The following QTRT2 variants were observed in gnomAD, a reference collection of about 807,000 sequenced individuals.
QTRT2 encodes the protein queuine tRNA-ribosyltransferase domain containing 1.
In QTRT2, 32 loss-of-function variants were observed where a neutral mutation model predicts 44.8. That is an observed-to-expected ratio of 0.71 (90% CI 0.54 to 0.96). The LOEUF is 0.96. QTRT2 is among the 40% of genes least tolerant of loss of function. QTRT2 has a pLI of 0.00. For missense variants in QTRT2, 461 were observed against 503.1 expected (o/e 0.92, Z 0.80); for synonymous variants, 182 against 187.4 (o/e 0.97, Z 0.24).
At chr3:114,075,769 G>A (rs1340729532) in intron 6 of QTRT2, among the ~76,000 whole-genome samples, 1 of 152,008 alleles carries the variant, frequency 6.6e-6, no homozygotes. Context: ...TCGGCCTCCT[G>A]CTGGGATTAC....
chr3:114,080,198 C>A, intron 8 of QTRT2, 141 bp downstream of exon 8: 2 of 642,628 alleles, frequency 3.1e-6, no homozygotes, highest in Non-Finnish European at 5.2e-6. Flanking sequence ...TCTGTGTGCT[C>A]TGGCATGTTG....
At chr3:114,068,287 C>A in intron 5 of QTRT2, 3 of 394,112 alleles carry the variant, frequency 7.6e-6, no homozygotes, top group South Asian at 4.3e-5. Context: ...TTCATTGTTG[C>A]AAAAAAATTT....
At chr3:114,061,118 G>A (rs1393708783) in intron 2 of QTRT2, among the ~76,000 whole-genome samples, 1 of 152,104 alleles carries the variant, frequency 6.6e-6, no homozygotes, top group African/African-American at 2.4e-5. Flanking sequence ...CTGTGAATGG[G>A]GGTACTGTGT....
intron 6 of QTRT2, among the ~76,000 whole-genome samples, chr3:114,073,538 C>T (rs1179911303): frequency 2.0e-5 from 3 of 152,226 alleles, no homozygotes; most frequent in Admixed American, 1.3e-4. Flanking sequence ...CGCCACCACA[C>T]CCGGCTAATT....
intron 7 of QTRT2, chr3:114,078,836 G>A (rs1340033592): frequency 6.6e-6 from 1 of 152,040 alleles, no homozygotes; most frequent in Non-Finnish European, 1.5e-5. Context: ...TCAGATTTTC[G>A]GATTAAGGAT....
rs572032434 is a variant in QTRT2 at position 114,065,420 on chromosome 3, G to A, written c.163G>A (p.Gly55Arg). Residue 55 changes from glycine (G) to arginine (R), a missense_variant, in exon 3 of 10, where the codon GGG (glycine) becomes AGG (arginine). Gly to Arg is a moderately radical substitution (Grantham distance 125, BLOSUM62 -2). Transcript: ENST00000281273. ...CCATCACACGCTGCATAATATCCAC[G>A]GGGTTCCTGCCATGGCTCAGCTTAC... ...LTHHTLHNIHGVPAMAQLTLS... is the reference protein window; with the variant it reads ...LTHHTLHNIHRVPAMAQLTLS... 46 of 1,614,020 alleles carry A rather than the reference G, an allele frequency of 2.9e-5. No homozygotes were observed. Among genetic ancestry groups the A allele is most frequent in the Non-Finnish European group, 3.7e-5 (44 of 1,180,010 alleles).
chr3:114,088,038 T>C lies in QTRT2; in HGVS notation c.*2134T>C, dbSNP rs886802116. The C allele has an allele frequency of 5.3e-5, 8 of 152,328 alleles. No homozygotes were observed. Among genetic ancestry groups the C allele is most frequent in the African/African-American group, 1.9e-4 (8 of 41,576 alleles). The allele number at this position is 152,328 out of a possible 1,614,324, so 9.4% of individuals were successfully genotyped here. A position where few individuals can be genotyped will look rare whatever the true frequency, so the allele number is the denominator to read the frequency against. ...GGCATCCTCATAACTCTTCCATGAA[T>C]GGCAAGGGGTACTTATGGAAAACAG... is the stretch of plus-strand genomic sequence containing the variant. On this transcript the variant is annotated 3_prime_UTR_variant, in exon 10 of 10. Coordinates refer to ENST00000281273, the MANE Select transcript of QTRT2 (RefSeq NM_024638.4).
chr3:114,084,036 G>A (rs1205374813), intron 9 of QTRT2, among the ~76,000 whole-genome samples: 1 of 149,358 alleles, frequency 6.7e-6, no homozygotes, highest in African/African-American at 2.5e-5. Flanking sequence ...TGTGACTTTG[G>A]TCTGGTCAAT....
rs776512786 is a variant in QTRT2, at chr3:114,076,760, G to A, written c.564G>A (p.Val188=). 2 of 1,614,202 alleles carry A rather than the reference G, an allele frequency of 1.2e-6. No homozygotes were observed. Among genetic ancestry groups the A allele is most frequent in the Non-Finnish European group, 1.7e-6 (2 of 1,180,014 alleles). The part of the protein sequence containing the change: ...QEESEVLQKS[V]IIGVIEGGDV... ...TACCTCAGGTTCTTCAGAAGAGTGT[G>A]ATCATTGGAGTGATTGAAGGTGGAG... is the stretch of plus-strand genomic sequence containing the variant. Residue 188 remains valine (V), a synonymous_variant, in exon 7 of 10, where the codon GTG becomes GTA. Transcript: ENST00000281273.
At chr3:114,063,328 T>G (rs1450258428) in intron 2 of QTRT2, among the ~76,000 whole-genome samples, 1 of 152,230 alleles carries the variant, frequency 6.6e-6, no homozygotes, top group East Asian at 1.9e-4. Context: ...TTTTATCACT[T>G]GAAATCAGTA....
rs1191909433 is a variant in QTRT2, at chr3:114,056,737, AG to A, written c.-256del. 68 of 1,388,344 alleles carry A rather than the reference AG, an allele frequency of 4.9e-5. No homozygotes were observed. The highest frequency in any genetic ancestry group is 2.7e-4 in the East Asian group (11 of 40,068). The allele number at this position is 1,388,344 out of a possible 1,614,324, so 86.0% of individuals were successfully genotyped here. ...TTTTTCTGGCGCCCAGTGATGACGCAGTACTCCCTGATTGGCTCTGCACTGG... is the reference window on the plus strand; with the variant it reads ...TTTTTCTGGCGCCCAGTGATGACGCATACTCCCTGATTGGCTCTGCACTGG... On this transcript the variant is annotated 5_prime_UTR_variant, in exon 1 of 10. Coordinates refer to ENST00000281273, the MANE Select transcript of QTRT2 (RefSeq NM_024638.4).
chr3:114,065,200 G>A (rs2076935576), intron 2 of QTRT2, 37 bp from the exon 3 acceptor site: 1 of 1,469,280 alleles, frequency 6.8e-7, no homozygotes, highest in Admixed American at 1.9e-5. Context: ...TAGGTGTTGT[G>A]AAGCTCCTTC....
chr3:114,074,199 T>A (rs926074374), intron 6 of QTRT2, among the ~76,000 whole-genome samples: 1 of 152,194 alleles, frequency 6.6e-6, no homozygotes, highest in African/African-American at 2.4e-5. Context: ...TAGGTTCATT[T>A]AGGTTCAGTG....
At chr3:114,079,862 C>T in intron 7 of QTRT2, 44 bp from the exon 8 acceptor site, 1 of 1,590,904 alleles carries the variant, frequency 6.3e-7, no homozygotes, top group Non-Finnish European at 8.6e-7. Context: ...GATTTCCTTC[C>T]TTGCATTGTC....
At chr3:114,082,421 A>G in intron 8 of QTRT2, 1 of 222,872 alleles carries the variant, frequency 4.5e-6, no homozygotes. Context: ...ATACGATTAT[A>G]TGTTATATAC....
intron 4 of QTRT2, 156 bp downstream of exon 4, chr3:114,066,439 T>C (rs770690553): frequency 1.0e-5 from 6 of 574,806 alleles, no homozygotes; most frequent in Non-Finnish European, 1.9e-5. Context: ...CAAGTCAAGA[T>C]TGAATAGGAA....
At chr3:114,062,288 G>A (rs2076897678) in intron 2 of QTRT2, among the ~76,000 whole-genome samples, 1 of 146,466 alleles carries the variant, frequency 6.8e-6, no homozygotes, top group African/African-American at 2.5e-5. Context: ...AAGGTTACTT[G>A]AGCCTGGGAT....
At chr3:114,057,826 A>G (rs2076823348) in intron 2 of QTRT2, among the ~76,000 whole-genome samples, 1 of 152,228 alleles carries the variant, frequency 6.6e-6, no homozygotes, top group Non-Finnish European at 1.5e-5. Context: ...AAATATTTGT[A>G]TGAGAATGGA....
rs1353055956 is a variant in QTRT2, at chr3:114,085,692, C to A, written c.1036C>A (p.Pro346Thr). Residue 346 changes from proline to threonine, a missense_variant, in exon 10 of 10, where the codon CCG (proline) becomes ACG (threonine). Pro to Thr is a conservative substitution (Grantham distance 38). Transcript: ENST00000281273. ...TCTTAGGTACCAGGAGGACTTTAACCCGCTGGTGAGAGGATGTTCCTGTTA... is the reference window on the plus strand; with the variant it reads ...TCTTAGGTACCAGGAGGACTTTAACACGCTGGTGAGAGGATGTTCCTGTTA... ...KEKKYQEDFN[P>T]LVRGCSCYCC... The A allele has an allele frequency of 6.2e-7, 1 of 1,614,154 alleles. No individual in the cohort carries two copies. Among genetic ancestry groups the A allele is most frequent in the Admixed American group, 1.7e-5 (1 of 60,018 alleles).
Sources: gnomAD v4.1 joint callset for allele counts (sites outside exome capture counted in the v4.1 genomes callset) on GRCh38, gnomAD v4.1.1 for gene constraint, MANE v1.5 for transcripts, NCBI Gene and HGNC (gene_info 2026-07-23, HGNC 2026-07-21) for gene names.